The following TLDC2 variants were observed in gnomAD, a reference collection of about 807,000 sequenced individuals.
The protein encoded by TLDC2 is TLD domain-containing protein 2.
TLDC2 carries 23 observed loss-of-function variants against 27.9 expected under a neutral mutation model. That is an observed-to-expected ratio of 0.82 (90% CI 0.59 to 1.17). The LOEUF is 1.17. Ranked by LOEUF, TLDC2 falls within the 50% of genes most tolerant of loss-of-function variation. The probability of loss-of-function intolerance (pLI) is 0.00; values close to 1 mark genes in which losing one functional copy is unlikely to be tolerated. For missense variants in TLDC2, 286 were observed against 273.4 expected, an observed-to-expected ratio of 1.05 and a Z score of -0.32; for synonymous variants, 124 against 107.4, an observed-to-expected ratio of 1.16 and a Z score of -0.96.
chr20:36,883,313 T>C (rs1989853730), intron 4 of TLDC2, among the ~76,000 whole-genome samples: 1 of 152,016 alleles, frequency 6.6e-6, no homozygotes, highest in African/African-American at 2.4e-5. Context: ...ATTTTTGTAT[T>C]TTTTGTAGAG....
At chr20:36,877,802 G>A in intron 1 of TLDC2, 97 bp from the exon 2 acceptor site, 1 of 1,395,214 alleles carries the variant, frequency 7.2e-7, no homozygotes, top group South Asian at 1.4e-5. Flanking sequence ...TGGGCAGGGA[G>A]TGATGAGGTG....
chr20:36,888,801 G>A (rs6029931), intron 5 of TLDC2, among the ~76,000 whole-genome samples: 27 of 149,898 alleles, frequency 1.8e-4, no homozygotes, highest in African/African-American at 6.1e-4. Flanking sequence ...CAGGCAGATC[G>A]CTTGAGGTCA....
chr20:36,889,048 C>T (rs188594671), intron 5 of TLDC2, among the ~76,000 whole-genome samples: 14 of 152,006 alleles, frequency 9.2e-5, no homozygotes, highest in African/African-American at 1.7e-4. Context: ...AATAAATAAA[C>T]AAATAAATAA....
Position 36,880,685 on chromosome 20 carries a change from C to G in TLDC2, c.373C>G (p.Arg125Gly). The change falls in exon 4 of 7, where the codon CGA becomes GGA. Residue 125 changes from arginine to glycine, a missense_variant. Coordinates refer to ENST00000217320, the MANE Select transcript of TLDC2 (RefSeq NM_080628.3). ...IFGAFSSSAI[R>G]LSKGFYGTGE... ...TGGAGCCTTCTCCTCCTCGGCTATC[C>G]GACTCAGCAAAGGCTTCTATGGTAC... is the stretch of plus-strand genomic sequence containing the variant. 9 of 1,614,224 alleles carry G rather than the reference C, an allele frequency of 5.6e-6. No individual in the cohort carries two copies. Among genetic ancestry groups the G allele is most frequent in the Non-Finnish European group, 7.6e-6 (9 of 1,180,046 alleles).
intron 4 of TLDC2, among the ~76,000 whole-genome samples, chr20:36,884,004 G>A (rs1166495354): frequency 6.6e-6 from 1 of 152,228 alleles, no homozygotes; most frequent in Non-Finnish European, 1.5e-5. Context: ...TGAGGCATGA[G>A]AATCTCTTGA....
In TLDC2 at chr20:36,893,438, T is replaced by G. The variant is rs542706791; in HGVS notation, c.*594T>G. On this transcript the variant is annotated 3_prime_UTR_variant, in exon 7 of 7. Coordinates refer to ENST00000217320, the MANE Select transcript of TLDC2 (RefSeq NM_080628.3). ...AGCTTCTCTCTCGCCTGGTCCCCTC[T>G]GCAATAAAAGGCCCAGGTCTACAAG... 7 of 326,454 alleles carry G rather than the reference T, an allele frequency of 2.1e-5. No homozygotes were observed. Among genetic ancestry groups the G allele is most frequent in the African/African-American group, 1.5e-4 (7 of 47,578 alleles). The allele number at this position is 326,454 out of a possible 1,614,324, so 20.2% of individuals were successfully genotyped here.
At chr20:36,885,817 GC>G (rs34545429) in intron 4 of TLDC2, among the ~76,000 whole-genome samples, 57 of 152,164 alleles carry the variant, frequency 3.7e-4, no homozygotes, top group African/African-American at 1.3e-3. Flanking sequence ...AAGAAGACAG[GC>G]CACACGGAAC....
At chr20:36,882,113 G>C (rs77118192) in intron 4 of TLDC2, among the ~76,000 whole-genome samples, 1 of 152,136 alleles carries the variant, frequency 6.6e-6, no homozygotes, top group Non-Finnish European at 1.5e-5. Context: ...CAGGTGGCTC[G>C]AGCTGCCCAG....
chr20:36,876,487 A>G (rs1989670158), intron 1 of TLDC2, among the ~76,000 whole-genome samples: 1 of 152,162 alleles, frequency 6.6e-6, no homozygotes, highest in African/African-American at 2.4e-5. Context: ...ACACACAGCT[A>G]GACCTGCCTC....
At chr20:36,887,389 G>A (rs1989944171) in intron 4 of TLDC2, 66 bp from the exon 5 acceptor site, 7 of 1,428,790 alleles carry the variant, frequency 4.9e-6, no homozygotes, top group Non-Finnish European at 6.9e-6. Context: ...CAGTGGTTCG[G>A]GGTCAAACTG....
At chr20:36,891,889 A>G (rs1990083534) in intron 6 of TLDC2, 1 of 152,350 alleles carries the variant, frequency 6.6e-6, no homozygotes, top group Admixed American at 6.5e-5. Context: ...GCACTGAACC[A>G]GCAAAAACAA....
Position 36,894,148 on chromosome 20 carries a change from T to A in TLDC2, c.*1304T>A, listed in dbSNP as rs1990149456. ...TATGCTCATTTAGCTCTGCCAAAACTTTTGTATCTCACCCCCATGTTAAAT... is the reference window on the plus strand; with the variant it reads ...TATGCTCATTTAGCTCTGCCAAAACATTTGTATCTCACCCCCATGTTAAAT... On this transcript the variant is annotated 3_prime_UTR_variant, in exon 7 of 7. Transcript: ENST00000217320. The A allele has an allele frequency of 2.5e-6, 1 of 392,822 alleles. No homozygotes were observed. Among genetic ancestry groups the A allele is most frequent in the Non-Finnish European group, 4.5e-6 (1 of 223,140 alleles). The allele number at this position is 392,822 out of a possible 1,614,324, so 24.3% of individuals were successfully genotyped here. A position where few individuals can be genotyped will look rare whatever the true frequency, so the allele number is the denominator to read the frequency against.
At chr20:36,879,294 A>G (rs2148344502) in intron 3 of TLDC2, 101 bp downstream of exon 3, 1 of 1,423,424 alleles carries the variant, frequency 7.0e-7, no homozygotes, top group Admixed American at 2.5e-5. Context: ...GCAGAGTGAC[A>G]GACTAAGTCA....
rs372753545 is a variant in TLDC2 at position 36,878,047 on chromosome 20, T to C, written c.182T>C (p.Ile61Thr). Residue 61 changes from isoleucine to threonine, a missense_variant, in exon 2 of 7, where the codon ATT (isoleucine) becomes ACT (threonine). By Grantham distance (89) the Ile-to-Thr change is moderately conservative. Coordinates refer to ENST00000217320, the MANE Select transcript of TLDC2 (RefSeq NM_080628.3). ...AGCCAGGTTTTGAGTGCCTCAGAGA[T>C]TCGGCAGGTCTGGGCATTGCCCATG... ...EASQVLSASEIRQLSFHFPPR... is the reference protein window; with the variant it reads ...EASQVLSASETRQLSFHFPPR... 7.4e-6 allele frequency: 12 copies of C among 1,612,868 alleles called. No individual in the cohort carries two copies. The highest frequency in any genetic ancestry group is 1.0e-5 in the Non-Finnish European group (12 of 1,179,460).
At position 36,879,135 on chromosome 20, in the gene TLDC2, G is replaced by T. The variant is rs141678136; in HGVS notation, c.284G>T (p.Arg95Leu). The T allele has an allele frequency of 6.2e-7, 1 of 1,614,100 alleles. No homozygotes were observed. Among genetic ancestry groups the T allele is most frequent in the Non-Finnish European group, 8.5e-7 (1 of 1,180,020 alleles). Residue 95 changes from arginine (R) to leucine (L), a missense_variant, in exon 3 of 7, where the codon CGG becomes CTG. Coordinates refer to ENST00000217320, the MANE Select transcript of TLDC2 (RefSeq NM_080628.3). Reference protein sequence around the residue: ...RDGFSLQSLYRRMEGCSGPVL... With the variant: ...RDGFSLQSLYLRMEGCSGPVL... ...GGTTTCAGCCTGCAGAGCCTGTACC[G>T]GCGGATGGAGGGCTGCAGCGGGCCA...
intron 1 of TLDC2, 139 bp downstream of exon 1, chr20:36,876,346 G>C (rs1989667417): frequency 2.6e-6 from 3 of 1,173,046 alleles, no homozygotes; most frequent in Admixed American, 1.9e-5. Flanking sequence ...CAGGCCTGTG[G>C]TTTGGAGCAA....
At chr20:36,887,416 T>C in intron 4 of TLDC2, 39 bp from the exon 5 acceptor site, 1 of 1,584,006 alleles carries the variant, frequency 6.3e-7, no homozygotes, top group Non-Finnish European at 8.7e-7. Flanking sequence ...CGGGACTCGC[T>C]CGCTTAGTAA....
At position 36,883,141 on chromosome 20, in the gene TLDC2, T is replaced by C. The variant is rs116596147; in HGVS notation, c.438+2391T>C. On this transcript the variant is annotated intron_variant, in intron 4 of 6. Coordinates refer to ENST00000217320, the MANE Select transcript of TLDC2 (RefSeq NM_080628.3). ...CTTGCATCTCAAACATGGCGTTTCT[T>C]TTTTTTTTTTTCTGAGACAGAGTCT... Among the ~76,000 whole-genome samples the C allele has an allele frequency of 3.6e-3, 534 of 146,334 alleles. 5 individuals carry two copies. Among genetic ancestry groups the C allele is most frequent in the African/African-American group, 0.013 (519 of 38,604 alleles).
intron 5 of TLDC2, among the ~76,000 whole-genome samples, chr20:36,888,998 G>A (rs1193884314): frequency 6.6e-6 from 1 of 151,944 alleles, no homozygotes; most frequent in East Asian, 1.9e-4. Flanking sequence ...CTCCAGCCTG[G>A]GTGACAAAGC....
Sources: gnomAD v4.1 joint callset for allele counts (sites outside exome capture counted in the v4.1 genomes callset) on GRCh38, gnomAD v4.1.1 for gene constraint, MANE v1.5 for transcripts, NCBI Gene and HGNC (gene_info 2026-07-23, HGNC 2026-07-21) for gene names.